Variants in ADAMTS18 observed in about 807,000 individuals in gnomAD.
ADAMTS18 encodes the protein ADAM metallopeptidase with thrombospondin type 1 motif 18.
A neutral mutation model predicts 165.9 loss-of-function variants in ADAMTS18; 157 were observed. That is an observed-to-expected ratio of 0.95 (90% CI 0.83 to 1.08). The LOEUF (loss-of-function observed/expected upper bound fraction) is 1.08, where lower values mean the gene tolerates loss of function less well. ADAMTS18 is among the 50% of genes least tolerant of loss of function. The pLI, the probability that ADAMTS18 is intolerant of heterozygous loss-of-function variation, is 0.00. For synonymous variants in ADAMTS18, 782 were observed against 578.2 expected (o/e 1.35, Z -5.06); for missense variants, 2,040 against 1,534.0 (o/e 1.33, Z -5.51).
rs2057738106 is a variant in ADAMTS18, at chr16:77,431,406, T to C, written c.384A>G (p.Gly128=). 1.9e-6 allele frequency: 3 copies of C among 1,614,186 alleles called. No individual in the cohort carries two copies. The highest frequency in any genetic ancestry group is 3.3e-5 in the Admixed American group (2 of 60,026). Residue 128 remains glycine, a synonymous_variant, in exon 3 of 23, where the codon GGA becomes GGG. Transcript: ENST00000282849. ...LSSHFIVQVL[G]KDGASETQKP... ...TCTGAGTCTCTGAAGCACCATCTTT[T>C]CCAAGTACCTGGACAATAAAGTGAC...
intron 3 of ADAMTS18, among the ~76,000 whole-genome samples, chr16:77,416,482 A>G (rs950317846): frequency 4.6e-5 from 7 of 152,278 alleles, no homozygotes; most frequent in Non-Finnish European, 1.0e-4. Flanking sequence ...TACTGTTCTC[A>G]TGGTAGTGAG....
intron 3 of ADAMTS18, among the ~76,000 whole-genome samples, chr16:77,370,759 C>T (rs4888623): frequency 0.88 from 133,170 of 151,614 alleles, 58,758 homozygotes; most frequent in African/African-American, 0.95. Flanking sequence ...TCAAAAAAAA[C>T]CAAGAAAACA....
Position 77,364,247 on chromosome 16 carries a change from T to C in ADAMTS18, c.913A>G (p.Met305Val), listed in dbSNP as rs1365811835. The C allele has an allele frequency of 1.9e-6, 3 of 1,614,006 alleles. No individual in the cohort carries two copies. The highest frequency in any genetic ancestry group is 2.7e-5 in the African/African-American group (2 of 74,972). Residue 305 changes from methionine to valine, a missense_variant, in exon 5 of 23, where the codon ATG (methionine) becomes GTG (valine). Physicochemically the swap from Met to Val is conservative, Grantham distance 21. Coordinates refer to ENST00000282849, the MANE Select transcript of ADAMTS18 (RefSeq NM_199355.4). ...TTTCCCTTGCCATGCTTTTCCACCATTTTCTTGTCTGCCACCACGAGGGTT... is the reference window on the plus strand; with the variant it reads ...TTTCCCTTGCCATGCTTTTCCACCACTTTCTTGTCTGCCACCACGAGGGTT... Reference protein sequence around the residue: ...VETLVVADKKMVEKHGKGNVT... With the variant: ...VETLVVADKKVVEKHGKGNVT...
intron 3 of ADAMTS18, among the ~76,000 whole-genome samples, chr16:77,376,694 G>A (rs2056958447): frequency 6.6e-6 from 1 of 151,892 alleles, no homozygotes; most frequent in Non-Finnish European, 1.5e-5. Flanking sequence ...TTCTGACCCA[G>A]AGTCAATATT....
chr16:77,335,350 G>T (rs1327862651), intron 12 of ADAMTS18, among the ~76,000 whole-genome samples: 1 of 151,382 alleles, frequency 6.6e-6, no homozygotes, highest in Non-Finnish European at 1.5e-5. Flanking sequence ...AGTGGGGAGG[G>T]AGAATGGTAA....
intron 13 of ADAMTS18, among the ~76,000 whole-genome samples, chr16:77,325,475 G>A (rs2056076731): frequency 6.6e-6 from 1 of 152,028 alleles, no homozygotes; most frequent in African/African-American, 2.4e-5. Flanking sequence ...CAACTGACAT[G>A]TCAGTTACTG....
At chr16:77,333,507 A>C (rs1478276786) in intron 12 of ADAMTS18, among the ~76,000 whole-genome samples, 1 of 147,804 alleles carries the variant, frequency 6.8e-6, no homozygotes, top group African/African-American at 2.6e-5. Flanking sequence ...AAAAAAAAAT[A>C]AAACAGTGTG....
chr16:77,426,881 G>C (rs1454794756), intron 3 of ADAMTS18, among the ~76,000 whole-genome samples: 3 of 152,120 alleles, frequency 2.0e-5, no homozygotes, highest in Non-Finnish European at 4.4e-5. Flanking sequence ...TGGTGTGGTG[G>C]TACGTGCCTG....
At chr16:77,300,947 TATC>T (rs1178016238) in intron 16 of ADAMTS18, among the ~76,000 whole-genome samples, 1 of 152,218 alleles carries the variant, frequency 6.6e-6, no homozygotes, top group Non-Finnish European at 1.5e-5. Flanking sequence ...TTAGAGTTGC[TATC>T]ATCAACTTCA....
intron 11 of ADAMTS18, among the ~76,000 whole-genome samples, chr16:77,337,511 C>A (rs998756107): frequency 2.0e-5 from 3 of 152,182 alleles, no homozygotes; most frequent in African/African-American, 7.2e-5. Flanking sequence ...ACTACCCAAA[C>A]AGATCTATTC....
intron 12 of ADAMTS18, 59 bp downstream of exon 12, chr16:77,335,697 G>A (rs1313159697): frequency 3.1e-6 from 5 of 1,602,094 alleles, no homozygotes; most frequent in Non-Finnish European, 3.4e-6. Flanking sequence ...AGAAAAACCA[G>A]CGTGTTACAG....
At chr16:77,292,555 G>A (rs974427865) in intron 20 of ADAMTS18, among the ~76,000 whole-genome samples, 2 of 152,176 alleles carry the variant, frequency 1.3e-5, no homozygotes, top group Non-Finnish European at 2.9e-5. Flanking sequence ...AGACCGGCTT[G>A]GGTGAAGCTT....
Position 77,411,485 on chromosome 16 carries a change from G to A in ADAMTS18, c.495+19810C>T, listed in dbSNP as rs57339751. Among the ~76,000 whole-genome samples the A allele has an allele frequency of 4.9e-4, 74 of 152,070 alleles. 1 individual carries two copies. The Middle Eastern group carries it at 0.01, about 21-fold the overall frequency. ...TTTAATAATAGATCATTATTTTGGA[G>A]TTCATACACTCATGACACTAGCCAT... On this transcript the variant is annotated intron_variant, in intron 3 of 22. Transcript: ENST00000282849.
chr16:77,335,381 A>G (rs1171899279), intron 12 of ADAMTS18, among the ~76,000 whole-genome samples: 1 of 151,964 alleles, frequency 6.6e-6, no homozygotes, highest in African/African-American at 2.4e-5. Context: ...GTTAATGGGT[A>G]CAAAAATATA....
intron 3 of ADAMTS18, among the ~76,000 whole-genome samples, chr16:77,385,438 T>G (rs1465337015): frequency 6.6e-6 from 1 of 152,200 alleles, no homozygotes; most frequent in Non-Finnish European, 1.5e-5. Context: ...TCTACCACAT[T>G]TGCAAGACAG....
At chr16:77,291,553 A>T in intron 20 of ADAMTS18, 75 bp from the exon 21 acceptor site, 1 of 1,430,044 alleles carries the variant, frequency 7.0e-7, no homozygotes, top group Non-Finnish European at 9.8e-7. Flanking sequence ...AGTTTGACAT[A>T]AGGTTGCACC....
intron 21 of ADAMTS18, among the ~76,000 whole-genome samples, chr16:77,290,151 G>T (rs1309195166): frequency 6.6e-6 from 1 of 152,166 alleles, no homozygotes; most frequent in Non-Finnish European, 1.5e-5. Flanking sequence ...TTAAGGGCAA[G>T]TCTTGTTATC....
intron 16 of ADAMTS18, among the ~76,000 whole-genome samples, chr16:77,303,901 G>A (rs1465881565): frequency 6.6e-6 from 1 of 152,084 alleles, no homozygotes; most frequent in Non-Finnish European, 1.5e-5. Context: ...CTGGTGGTGG[G>A]CACCTGTAGT....
chr16:77,428,696 A>T (rs778324181), intron 3 of ADAMTS18, among the ~76,000 whole-genome samples: 14 of 152,180 alleles, frequency 9.2e-5, no homozygotes, highest in Non-Finnish European at 2.1e-4. Context: ...CCAAAATCTG[A>T]AACTTTTGAG....
Sources: allele counts gnomAD v4.1 joint callset (sites outside exome capture counted in the v4.1 genomes callset), GRCh38; gene constraint gnomAD v4.1.1; transcripts MANE v1.5; gene names NCBI Gene and HGNC (gene_info 2026-07-23, HGNC 2026-07-21).